LRMDA: variants seen among roughly 807,000 people sequenced by gnomAD.
LRMDA encodes leucine rich melanocyte differentiation associated, also known as leucine-rich melanocyte differentiation-associated protein.
LRMDA carries 18 observed loss-of-function variants against 29.8 expected under a neutral mutation model. The observed-to-expected ratio is 0.60, with a 90% CI of 0.42 to 0.90. The LOEUF (loss-of-function observed/expected upper bound fraction) is 0.90, where lower values mean the gene tolerates loss of function less well. Among genes scored for constraint, LRMDA ranks in the 40% least tolerant of loss-of-function variants. The pLI, the probability that LRMDA is intolerant of heterozygous loss-of-function variation, is 0.00. For synonymous variants in LRMDA, 125 were observed against 109.4 expected, an observed-to-expected ratio of 1.14 and a Z score of -0.89; for missense variants, 273 against 273.9, an observed-to-expected ratio of 1.00 and a Z score of 0.02.
chr10:75,439,477 T>C (rs1453364558), intron 2 of LRMDA, among the ~76,000 whole-genome samples: 2 of 152,158 alleles, frequency 1.3e-5, no homozygotes, highest in African/African-American at 2.4e-5. Context: ...GAATTTGTAA[T>C]TGGAAAATGG....
rs1843592332 is a variant in LRMDA at position 76,558,959 on chromosome 10, G to A, written c.*1671G>A. The stretch of plus-strand genomic sequence containing the variant: ...TATCTCTCAAATCCATTAGTAACTG[G>A]ATTTGAGTACCTTTTCTCTGTTTGA... On this transcript the variant is annotated 3_prime_UTR_variant, in exon 7 of 7. Coordinates refer to ENST00000611255, the MANE Select transcript of LRMDA (RefSeq NM_001305581.2). 1 of 152,168 alleles carries A rather than the reference G, an allele frequency of 6.6e-6. No homozygotes were observed. The highest frequency in any genetic ancestry group is 2.4e-5 in the African/African-American group (1 of 41,428). 9.4% of individuals were successfully genotyped at this position (152,168 alleles called of 1,614,324 possible).
intron 2 of LRMDA, among the ~76,000 whole-genome samples, chr10:75,637,662 G>T (rs983696273): frequency 2.6e-5 from 4 of 152,212 alleles, no homozygotes; most frequent in Admixed American, 6.5e-5. Context: ...GGAACCACTT[G>T]GTTCCTAAGC....
intron 6 of LRMDA, among the ~76,000 whole-genome samples, chr10:76,495,358 T>C (rs1842871787): frequency 6.6e-6 from 1 of 151,782 alleles, no homozygotes; most frequent in African/African-American, 2.4e-5. Context: ...TGTATACTGT[T>C]TCATTGATTA....
intron 5 of LRMDA, among the ~76,000 whole-genome samples, chr10:76,235,149 A>T (rs551397154): frequency 6.6e-6 from 1 of 152,182 alleles, no homozygotes; most frequent in African/African-American, 2.4e-5. Context: ...CCTAATTTCA[A>T]TATCGTTGTG....
intron 2 of LRMDA, among the ~76,000 whole-genome samples, chr10:75,768,790 T>C (rs1328609746): frequency 2.0e-5 from 3 of 152,228 alleles, no homozygotes; most frequent in African/African-American, 7.2e-5. Context: ...AATGGGATTG[T>C]ATGTGAGTCT....
intron 2 of LRMDA, among the ~76,000 whole-genome samples, chr10:75,729,360 A>G (rs917683278): frequency 6.6e-6 from 1 of 152,218 alleles, no homozygotes; most frequent in African/African-American, 2.4e-5. Flanking sequence ...AAGAAGACAG[A>G]TTTCTCACTG....
chr10:76,271,409 G>GA (rs771344640), intron 5 of LRMDA, among the ~76,000 whole-genome samples: 3,823 of 142,380 alleles, frequency 0.027, 116 homozygotes, highest in African/African-American at 0.086. Context: ...CCCTGTCTTG[G>GA]AAAAAAAAAA....
intron 2 of LRMDA, among the ~76,000 whole-genome samples, chr10:75,464,215 G>T (rs932671425): frequency 6.6e-6 from 1 of 152,218 alleles, no homozygotes; most frequent in Non-Finnish European, 1.5e-5. Flanking sequence ...TGTAGGGGTC[G>T]GGGACAGGCC....
chr10:75,804,003 C>T (rs957620645), intron 2 of LRMDA, among the ~76,000 whole-genome samples: 5 of 152,186 alleles, frequency 3.3e-5, no homozygotes, highest in African/African-American at 1.2e-4. Flanking sequence ...CATGTCCCAG[C>T]GCTGTTGTAC....
At chr10:76,375,278 G>GA (rs1262140569) in intron 6 of LRMDA, among the ~76,000 whole-genome samples, 6 of 149,942 alleles carry the variant, frequency 4.0e-5, no homozygotes, top group African/African-American at 1.5e-4. Context: ...AACTCATACA[G>GA]AAAAAAAGGA....
At chr10:76,128,080 A>G (rs1413338160) in intron 5 of LRMDA, among the ~76,000 whole-genome samples, 1 of 152,212 alleles carries the variant, frequency 6.6e-6, no homozygotes, top group Non-Finnish European at 1.5e-5. Context: ...TAGAGGTGAA[A>G]GGAGAGAATT....
At chr10:76,427,203 C>T (rs541746030) in intron 6 of LRMDA, among the ~76,000 whole-genome samples, 1 of 150,502 alleles carries the variant, frequency 6.6e-6, no homozygotes, top group African/African-American at 2.5e-5. Context: ...GCAGTATGGC[C>T]ATTTTCACAA....
intron 5 of LRMDA, among the ~76,000 whole-genome samples, chr10:76,196,198 C>T (rs1166007437): frequency 6.6e-6 from 1 of 152,146 alleles, no homozygotes; most frequent in Non-Finnish European, 1.5e-5. Flanking sequence ...GGAAGTGAAA[C>T]ATTTAGTGTT....
chr10:75,693,853 G>A (rs1842200322), intron 2 of LRMDA, among the ~76,000 whole-genome samples: 1 of 152,074 alleles, frequency 6.6e-6, no homozygotes, highest in African/African-American at 2.4e-5. Context: ...TTTATTTCAG[G>A]CCCCATATTT....
intron 2 of LRMDA, among the ~76,000 whole-genome samples, chr10:75,802,763 C>G (rs563955571): frequency 6.6e-6 from 1 of 152,114 alleles, no homozygotes; most frequent in Admixed American, 6.5e-5. Context: ...TTAAAAAATA[C>G]TCTTCCAATT....
intron 4 of LRMDA, among the ~76,000 whole-genome samples, chr10:76,047,944 C>G (rs1203868438): frequency 6.6e-6 from 1 of 152,238 alleles, no homozygotes; most frequent in Admixed American, 6.5e-5. Flanking sequence ...ACTTCTCAAC[C>G]ATGTGCTTTA....
chr10:75,609,335 G>C (rs1840999190), intron 2 of LRMDA, among the ~76,000 whole-genome samples: 1 of 152,130 alleles, frequency 6.6e-6, no homozygotes, highest in Non-Finnish European at 1.5e-5. Flanking sequence ...TCAAGTACTG[G>C]GGTTCTTGTC....
chr10:75,726,019 A>AC (rs1842627318), intron 2 of LRMDA, among the ~76,000 whole-genome samples: 2 of 152,180 alleles, frequency 1.3e-5, no homozygotes, highest in Admixed American at 1.3e-4. Context: ...CTCCAAGGGG[A>AC]CCGTGAAGAG....
At position 75,572,603 on chromosome 10, in the gene LRMDA, A is replaced by C. The variant is rs192386188; in HGVS notation, c.131+134109A>C. ...CTTTCAGTGATTATTTAGATGTAGG[A>C]ATTTTATAACTTTATTTGAAAATAT... On this transcript the variant is annotated intron_variant, in intron 2 of 6. Coordinates refer to ENST00000611255, the MANE Select transcript of LRMDA (RefSeq NM_001305581.2). 4.6e-5 allele frequency among the ~76,000 whole-genome samples: 7 copies of C among 152,348 alleles called. No individual in the cohort carries two copies. In the East Asian group the frequency reaches 1.3e-3, roughly 29 times the overall value.
Sources: gnomAD v4.1 joint callset for allele counts (sites outside exome capture counted in the v4.1 genomes callset) on GRCh38, gnomAD v4.1.1 for gene constraint, MANE v1.5 for transcripts, NCBI Gene and HGNC (gene_info 2026-07-23, HGNC 2026-07-21) for gene names.